Variants in TTC3 observed in about 807,000 individuals in gnomAD.
The protein encoded by TTC3 is tetratricopeptide repeat domain 3.
A neutral mutation model predicts 249.6 loss-of-function variants in TTC3; 180 were observed. That is an observed-to-expected ratio of 0.72 (90% confidence interval 0.64 to 0.82). The LOEUF is 0.82. TTC3 is among the 40% of genes least tolerant of loss of function. The pLI is 0.00. For missense variants in TTC3, 2,061 were observed against 2,398.4 expected (o/e 0.86, Z 2.94); for synonymous variants, 717 against 805.0 (o/e 0.89, Z 1.85).
intron 10 of TTC3, among the ~76,000 whole-genome samples, chr21:37,097,333 A>C (rs898964903): frequency 2.0e-5 from 3 of 152,172 alleles, no homozygotes; most frequent in Middle Eastern, 6.3e-3. Context: ...GAGCAGGTAG[A>C]CTATTATATT....
chr21:37,099,508 G>C (rs1387430903), intron 10 of TTC3, among the ~76,000 whole-genome samples: 1 of 152,122 alleles, frequency 6.6e-6, no homozygotes, highest in African/African-American at 2.4e-5. Context: ...GAATGTGAAA[G>C]TCGAAAAAAT....
intron 11 of TTC3, among the ~76,000 whole-genome samples, chr21:37,116,966 C>G (rs904877267): frequency 6.6e-6 from 1 of 152,046 alleles, no homozygotes; most frequent in Non-Finnish European, 1.5e-5. Context: ...GGAATTTAGT[C>G]TAATTTGATA....
chr21:37,073,630 T>C (rs1252909060), intron 1 of TTC3, 157 bp downstream of exon 1: 1 of 403,056 alleles, frequency 2.5e-6, no homozygotes, highest in African/African-American at 2.2e-5. Flanking sequence ...AGCGAGGCCC[T>C]GGGATGCCGG....
chr21:37,156,565 A>G (rs2835635), intron 27 of TTC3, 90 bp from the exon 28 acceptor site: 769,684 of 1,480,072 alleles, frequency 0.52, 203,119 homozygotes, highest in African/African-American at 0.68. Context: ...GCAAACTATA[A>G]TCAGCTGCTT....
At chr21:37,170,479 A>T (rs1186398089) in intron 34 of TTC3, among the ~76,000 whole-genome samples, 1 of 152,238 alleles carries the variant, frequency 6.6e-6, no homozygotes, top group Non-Finnish European at 1.5e-5. Flanking sequence ...GCACTCATAT[A>T]TGTATAGAGA....
chr21:37,140,457 G>A (rs2078339764), intron 19 of TTC3, 104 bp from the exon 20 acceptor site: 1 of 729,128 alleles, frequency 1.4e-6, no homozygotes, highest in East Asian at 3.2e-5. Context: ...TTGGGGATAT[G>A]CAGTTGTTAT....
intron 37 of TTC3, 42 bp from the exon 38 acceptor site, chr21:37,187,007 A>G (rs772219331): frequency 7.5e-7 from 1 of 1,336,676 alleles, no homozygotes; most frequent in Non-Finnish European, 1.0e-6. Flanking sequence ...TCACTGTGAA[A>G]TTTTGTTCAA....
At chr21:37,135,707 T>C (rs1015612221) in intron 18 of TTC3, among the ~76,000 whole-genome samples, 193 bp downstream of exon 18, 1 of 152,228 alleles carries the variant, frequency 6.6e-6, no homozygotes, top group African/African-American at 2.4e-5. Flanking sequence ...ATGTGATCCA[T>C]GTTTATATTC....
intron 21 of TTC3, 115 bp from the exon 22 acceptor site, chr21:37,147,366 A>G: frequency 1.0e-6 from 1 of 983,306 alleles, no homozygotes; most frequent in Non-Finnish European, 1.4e-6. Context: ...TGGTGAAAAA[A>G]TTTAGTCATT....
rs2085371031 is a variant in TTC3, at chr21:37,200,363, G to A, written c.5943+39G>A. On this transcript the variant is annotated intron_variant, in intron 45 of 45. Transcript: ENST00000355666. ...TTGGCCATCCTTACAGCATGCATTG[G>A]GACCTTCAAATATTTTCAAAATAAG... The A allele has an allele frequency of 1.0e-5, 16 of 1,564,736 alleles. 1 individual carries two copies. Among genetic ancestry groups the A allele is most frequent in the South Asian group, 6.8e-5 (6 of 87,638 alleles).
At chr21:37,082,074 C>G (rs1248139150) in intron 1 of TTC3, 1 of 151,900 alleles carries the variant, frequency 6.6e-6, no homozygotes, top group African/African-American at 2.4e-5. Flanking sequence ...ACCGTGTTAC[C>G]CAGGATGGTC....
intron 18 of TTC3, 40 bp from the exon 19 acceptor site, chr21:37,138,594 A>C (rs761691803): frequency 1.4e-6 from 2 of 1,465,774 alleles, no homozygotes; most frequent in Non-Finnish European, 1.9e-6. Context: ...ATTGGGCAGA[A>C]TTATATTCAG....
intron 26 of TTC3, 58 bp from the exon 27 acceptor site, chr21:37,152,893 T>A: frequency 7.4e-7 from 1 of 1,350,418 alleles, no homozygotes; most frequent in Non-Finnish European, 9.9e-7. Flanking sequence ...TATTTCTAAG[T>A]TTATGTAATT....
chr21:37,081,351 C>T (rs1461946392), intron 1 of TTC3, among the ~76,000 whole-genome samples: 8 of 151,954 alleles, frequency 5.3e-5, no homozygotes, highest in Non-Finnish European at 1.0e-4. Flanking sequence ...CTCTTGACCT[C>T]GTGATCTGTC....
intron 3 of TTC3, 127 bp from the exon 4 acceptor site, chr21:37,088,069 A>T: frequency 1.0e-6 from 1 of 984,568 alleles, no homozygotes; most frequent in Non-Finnish European, 1.5e-6. Context: ...AACATTTAAC[A>T]GGCTAGAATA....
At chr21:37,168,039 G>T (rs1339389131) in intron 34 of TTC3, among the ~76,000 whole-genome samples, 2 of 152,026 alleles carry the variant, frequency 1.3e-5, no homozygotes, top group Non-Finnish European at 2.9e-5. Flanking sequence ...CTATAATAAT[G>T]ATTCAATTAG....
chr21:37,159,491 G>C, intron 28 of TTC3: 1 of 560,990 alleles, frequency 1.8e-6, no homozygotes, highest in South Asian at 2.4e-5. Context: ...TGCTGAATCA[G>C]ATTGAAGTTT....
chr21:37,201,446 AAGCAGTGGCTTAAAGGGCAG>A lies in TTC3; in HGVS notation c.5954_5973del (p.Gln1985ArgfsTer9), dbSNP rs748822342. 6.2e-7 allele frequency: 1 copy of A among 1,613,820 alleles called. No individual in the cohort carries two copies. Among genetic ancestry groups the A allele is most frequent in the Non-Finnish European group, 8.5e-7 (1 of 1,180,024 alleles). ...TTTGTTTTCTCCTTTTCAGTGCTTT[AAGCAGTGGCTTAAAGGGCAG>A]AGCGCTTGCCCGGCCTGCCAGGGTC... On this transcript the variant is annotated frameshift_variant, in exon 46 of 46. Coordinates refer to ENST00000355666, the Ensembl canonical transcript of TTC3. LOFTEE classifies it low-confidence loss of function (END_TRUNC).
chr21:37,177,308 G>T (rs1173072288), intron 35 of TTC3, among the ~76,000 whole-genome samples: 1 of 152,172 alleles, frequency 6.6e-6, no homozygotes, highest in African/African-American at 2.4e-5. Context: ...GGTCTGCTCA[G>T]ACCCCACCGG....
Sources: allele counts gnomAD v4.1 joint callset (sites outside exome capture counted in the v4.1 genomes callset), GRCh38; gene constraint gnomAD v4.1.1; transcripts MANE v1.5; gene names NCBI Gene and HGNC (gene_info 2026-07-23, HGNC 2026-07-21).